KCNIP4: variants seen among roughly 807,000 people sequenced by gnomAD.
KCNIP4 encodes the protein potassium voltage-gated channel interacting protein 4, also known as Kv channel-interacting protein 4.
In KCNIP4, 12 loss-of-function variants were observed where a neutral mutation model predicts 34.0. The observed-to-expected ratio is 0.35, with a 90% CI of 0.23 to 0.57. The LOEUF (loss-of-function observed/expected upper bound fraction) is 0.57, where lower values mean the gene tolerates loss of function less well. Ranked by LOEUF, KCNIP4 falls within the 20% of genes least tolerant of loss-of-function variation. The pLI is 0.83. For missense variants in KCNIP4, 238 were observed against 311.7 expected, an observed-to-expected ratio of 0.76 and a Z score of 1.78; for synonymous variants, 124 against 102.2, an observed-to-expected ratio of 1.21 and a Z score of -1.29.
intron 3 of KCNIP4, among the ~76,000 whole-genome samples, chr4:20,801,775 G>A (rs923291778): frequency 1.3e-5 from 2 of 151,918 alleles, no homozygotes; most frequent in African/African-American, 2.4e-5. Flanking sequence ...AGAAAGGATC[G>A]ACAGAGCTAC....
chr4:21,339,896 G>C (rs971468829), intron 1 of KCNIP4, among the ~76,000 whole-genome samples: 2 of 152,116 alleles, frequency 1.3e-5, no homozygotes, highest in Non-Finnish European at 2.9e-5. Context: ...AAAACCTTTT[G>C]CCTTTCTTAT....
intron 1 of KCNIP4, chr4:21,851,470 T>G (rs777100941): frequency 6.6e-6 from 1 of 152,150 alleles, no homozygotes; most frequent in Non-Finnish European, 1.5e-5. Flanking sequence ...ATGTACATTA[T>G]GCAAGTGATG....
chr4:21,622,126 T>A (rs1426733980), intron 1 of KCNIP4, among the ~76,000 whole-genome samples: 1 of 152,210 alleles, frequency 6.6e-6, no homozygotes, highest in Non-Finnish European at 1.5e-5. Context: ...ATCTTTAGCC[T>A]GGAATCATTG....
In KCNIP4 at chr4:21,241,849, CTA is replaced by C. The variant is rs148384964; in HGVS notation, c.62-359142_62-359141del. On this transcript the variant is annotated intron_variant, in intron 1 of 8. Coordinates refer to ENST00000382152, the MANE Select transcript of KCNIP4 (RefSeq NM_025221.6). ...TCCGCAAAAACTGCAGTATGCTCGT[CTA>C]TATCATGGGATTAAGAATGTCTTCT... Among the ~76,000 whole-genome samples the C allele has an allele frequency of 3.8e-3, 584 of 152,180 alleles. 3 individuals are homozygous for C. Among genetic ancestry groups the C allele is most frequent in the African/African-American group, 0.014 (566 of 41,520 alleles).
rs150276130 is a variant in KCNIP4, at chr4:21,137,839, T to C, written c.62-255130A>G. The stretch of plus-strand genomic sequence containing the variant: ...ATAATAGTTAATAAAACATGTATTT[T>C]TCTAAAATGAAGGCTTTTTCCCTTA... On this transcript the variant is annotated intron_variant, in intron 1 of 8. Transcript: ENST00000382152. Among the ~76,000 whole-genome samples, 401 of 150,580 alleles carry C rather than the reference T, an allele frequency of 2.7e-3. 1 individual carries two copies. The highest frequency in any genetic ancestry group is 9.2e-3 in the African/African-American group (377 of 40,802).
At chr4:21,021,093 C>T (rs1739994305) in intron 1 of KCNIP4, among the ~76,000 whole-genome samples, 1 of 152,312 alleles carries the variant, frequency 6.6e-6, no homozygotes, top group East Asian at 1.9e-4. Context: ...TGGCTTATTG[C>T]TCCTAGGCTG....
chr4:21,418,171 C>CCTCT (rs144729656), intron 1 of KCNIP4, among the ~76,000 whole-genome samples: 2 of 149,830 alleles, frequency 1.3e-5, no homozygotes, highest in Non-Finnish European at 3.0e-5. Flanking sequence ...ACACTCTCTC[C>CCTCT]CTCTCTCTCT....
intron 1 of KCNIP4, among the ~76,000 whole-genome samples, chr4:21,261,740 C>A (rs1268025487): frequency 6.6e-6 from 1 of 152,166 alleles, no homozygotes; most frequent in Non-Finnish European, 1.5e-5. Context: ...ACAATACAAG[C>A]TAGTGCCATC....
At position 21,025,551 on chromosome 4, in the gene KCNIP4, T is replaced by TTTTTTG. The variant is rs1553928594; in HGVS notation, c.62-142843_62-142842insCAAAAA. 4.5e-3 allele frequency among the ~76,000 whole-genome samples: 295 copies of TTTTTTG among 65,500 alleles called. 19 individuals are homozygous for TTTTTTG. Among genetic ancestry groups the TTTTTTG allele is most frequent in the Non-Finnish European group, 7.2e-3 (236 of 32,756 alleles). 43.0% of individuals were successfully genotyped at this position (65,500 alleles called of 152,430 possible). On this transcript the variant is annotated intron_variant, in intron 1 of 8. Coordinates refer to ENST00000382152, the MANE Select transcript of KCNIP4 (RefSeq NM_025221.6). ...GGTCACTCATTGATACTGTTTTTTT[T>TTTTTTG]TTTTTTTTTTTTTTTTTTTTGAGAC...
chr4:21,831,904 A>G lies in KCNIP4; in HGVS notation c.61+116667T>C, dbSNP rs139393327. Among the ~76,000 whole-genome samples the G allele has an allele frequency of 5.5e-3, 835 of 152,194 alleles. 9 individuals carry two copies. Among genetic ancestry groups the G allele is most frequent in the African/African-American group, 0.019 (795 of 41,550 alleles). ...GAGGAACATAGATGCAAAAATCCTT[A>G]CCAAATACTAGCAAACCAAATTCAA... On this transcript the variant is annotated intron_variant, in intron 1 of 8. Transcript: ENST00000382152.
chr4:21,929,050 C>T (rs1222747089), intron 1 of KCNIP4, among the ~76,000 whole-genome samples: 2 of 152,056 alleles, frequency 1.3e-5, no homozygotes, highest in South Asian at 2.1e-4. Context: ...ACTATATCCA[C>T]GAATGCAGCT....
At chr4:21,349,044 T>C (rs1717745468) in intron 1 of KCNIP4, among the ~76,000 whole-genome samples, 1 of 152,192 alleles carries the variant, frequency 6.6e-6, no homozygotes, top group African/African-American at 2.4e-5. Flanking sequence ...TTAAATAAGA[T>C]ATGGTTCAAG....
At chr4:21,760,718 A>C (rs1330962368) in intron 1 of KCNIP4, among the ~76,000 whole-genome samples, 1 of 152,174 alleles carries the variant, frequency 6.6e-6, no homozygotes, top group Non-Finnish European at 1.5e-5. Context: ...CAAGTATTAA[A>C]AAGCTAAAAT....
At chr4:20,785,923 T>C (rs1711920940) in intron 3 of KCNIP4, among the ~76,000 whole-genome samples, 1 of 151,830 alleles carries the variant, frequency 6.6e-6, no homozygotes, top group Non-Finnish European at 1.5e-5. Flanking sequence ...AGAATTACAA[T>C]TTGACCCAGG....
intron 1 of KCNIP4, among the ~76,000 whole-genome samples, chr4:21,219,339 C>G (rs1757827515): frequency 2.0e-5 from 3 of 152,156 alleles, no homozygotes; most frequent in Admixed American, 2.0e-4. Context: ...ACTGATGTCA[C>G]AGAAAGAATG....
intron 1 of KCNIP4, among the ~76,000 whole-genome samples, chr4:21,153,511 GTGTGTA>G (rs1373041794): frequency 1.6e-4 from 10 of 64,030 alleles, no homozygotes; most frequent in African/African-American, 6.3e-4. Context: ...ATATATGTGT[GTGTGTA>G]TATATATATA....
chr4:21,119,024 A>G (rs1749920596), intron 1 of KCNIP4, among the ~76,000 whole-genome samples: 1 of 152,204 alleles, frequency 6.6e-6, no homozygotes, highest in African/African-American at 2.4e-5. Flanking sequence ...GGTTTTTGAA[A>G]CATCATATGC....
chr4:21,012,211 T>G lies in KCNIP4; in HGVS notation c.62-129502A>C, dbSNP rs116765395. ...AGCATTGTGCTTGGTATATAGTAGG[T>G]GCTCAATAAACATTTGAATATAATT... On this transcript the variant is annotated intron_variant, in intron 1 of 8. Coordinates refer to ENST00000382152, the MANE Select transcript of KCNIP4 (RefSeq NM_025221.6). Among the ~76,000 whole-genome samples, 564 of 152,286 alleles carry G rather than the reference T, an allele frequency of 3.7e-3. 3 individuals carry two copies. Among genetic ancestry groups the G allele is most frequent in the Non-Finnish European group, 4.3e-3 (291 of 68,006 alleles).
chr4:21,783,763 G>T (rs28409049), intron 1 of KCNIP4, among the ~76,000 whole-genome samples: 3 of 151,792 alleles, frequency 2.0e-5, no homozygotes, highest in African/African-American at 7.3e-5. Context: ...TGTACATATC[G>T]GAGGAGTGGG....
Sources: allele counts gnomAD v4.1 joint callset (sites outside exome capture counted in the v4.1 genomes callset), GRCh38; gene constraint gnomAD v4.1.1; transcripts MANE v1.5; gene names NCBI Gene and HGNC (gene_info 2026-07-23, HGNC 2026-07-21).